The following CHRM3 variants were observed in gnomAD, a reference collection of about 807,000 sequenced individuals.
The protein encoded by CHRM3 is muscarinic acetylcholine receptor M3.
A neutral mutation model predicts 41.8 loss-of-function variants in CHRM3; 11 were observed. That is an observed-to-expected ratio of 0.26 (90% CI 0.17 to 0.44). The LOEUF (loss-of-function observed/expected upper bound fraction) is 0.44. Ranked by LOEUF, CHRM3 falls within the 20% of genes least tolerant of loss-of-function variation. CHRM3 has a pLI of 1.00. For missense variants in CHRM3, 571 were observed against 745.4 expected, an observed-to-expected ratio of 0.77 and a Z score of 2.72; for synonymous variants, 297 against 301.4, an observed-to-expected ratio of 0.99 and a Z score of 0.15.
At chr1:239,898,339 A>T (rs560047369) in intron 6 of CHRM3, 1 of 152,200 alleles carries the variant, frequency 6.6e-6, no homozygotes, top group Non-Finnish European at 1.5e-5. Context: ...TAGTGGTTTG[A>T]TGTGGTATTG....
Position 239,828,848 on chromosome 1 carries a change from A to G in CHRM3, c.-20+1470A>G, listed in dbSNP as rs1672674499. Among the ~76,000 whole-genome samples, 5 of 152,150 alleles carry G rather than the reference A, an allele frequency of 3.3e-5. No homozygotes were observed. In the South Asian group the frequency reaches 1.0e-3, roughly 32 times the overall value. The stretch of plus-strand genomic sequence containing the variant: ...ACTCTGCCTGCTGTGCGGATAGCGG[A>G]TGGGAGGAGATCTAAGATGAACAAA... On this transcript the variant is annotated intron_variant, in intron 6 of 6. Transcript: ENST00000676153.
intron 3 of CHRM3, among the ~76,000 whole-genome samples, chr1:239,606,870 T>G (rs948824615): frequency 1.4e-4 from 21 of 152,144 alleles, no homozygotes; most frequent in African/African-American, 5.1e-4. Context: ...CCTAAGGCCA[T>G]CCAAAAACGT....
At chr1:239,473,967 A>G (rs1364658923) in intron 1 of CHRM3, among the ~76,000 whole-genome samples, 2 of 152,106 alleles carry the variant, frequency 1.3e-5, no homozygotes, top group Non-Finnish European at 2.9e-5. Context: ...GGAAGGTTTC[A>G]GTGGAATCTG....
chr1:239,652,993 G>C (rs1396546860), intron 4 of CHRM3, among the ~76,000 whole-genome samples: 1 of 152,224 alleles, frequency 6.6e-6, no homozygotes, highest in Non-Finnish European at 1.5e-5. Context: ...CTAAATGACT[G>C]ATAGGGCCAT....
chr1:239,485,622 A>T (rs1377045455), intron 1 of CHRM3, among the ~76,000 whole-genome samples: 1 of 152,142 alleles, frequency 6.6e-6, no homozygotes, highest in Non-Finnish European at 1.5e-5. Flanking sequence ...TTTTCACTTG[A>T]AATCTCCTGA....
rs1456465754 is a variant in CHRM3 at position 239,907,087 on chromosome 1, T to C, written c.-19-346T>C. ...GAAGATAAAGCTGTTTGGATAATTG[T>C]AATAGAAATGTCTGATATTTTTCAC... is the stretch of plus-strand genomic sequence containing the variant. On this transcript the variant is annotated intron_variant, in intron 6 of 6. Coordinates refer to ENST00000676153, the MANE Select transcript of CHRM3 (RefSeq NM_001375978.1). The surrounding 1 kb of genome is among the most constrained non-coding windows in gnomAD (Gnocchi z 5.4). Among the ~76,000 whole-genome samples, 1 of 152,194 alleles carries C rather than the reference T, an allele frequency of 6.6e-6. No individual in the cohort carries two copies. Among genetic ancestry groups the C allele is most frequent in the Non-Finnish European group, 1.5e-5 (1 of 68,028 alleles).
intron 2 of CHRM3, among the ~76,000 whole-genome samples, chr1:239,537,706 A>G (rs544964514): frequency 3.3e-5 from 5 of 152,312 alleles, no homozygotes; most frequent in Non-Finnish European, 5.9e-5. Context: ...TTTTGCTCTT[A>G]TGGTCACTTA....
intron 1 of CHRM3, among the ~76,000 whole-genome samples, chr1:239,396,487 C>A (rs1659490849): frequency 6.6e-6 from 1 of 152,026 alleles, no homozygotes; most frequent in African/African-American, 2.4e-5. Flanking sequence ...TGTGCACCTG[C>A]CTGTAGTCTC....
chr1:239,894,739 T>G (rs1678852792), intron 6 of CHRM3, among the ~76,000 whole-genome samples: 1 of 151,280 alleles, frequency 6.6e-6, no homozygotes, highest in Non-Finnish European at 1.5e-5. Context: ...GACCGAGAAG[T>G]CTTCCATTTA....
At chr1:239,854,289 T>G (rs1674930224) in intron 6 of CHRM3, among the ~76,000 whole-genome samples, 1 of 152,120 alleles carries the variant, frequency 6.6e-6, no homozygotes, top group South Asian at 2.1e-4. Flanking sequence ...CTTGTAATAT[T>G]CATTTATCCA....
At chr1:239,638,589 C>T (rs1299800610) in intron 4 of CHRM3, among the ~76,000 whole-genome samples, 9 of 152,196 alleles carry the variant, frequency 5.9e-5, no homozygotes, top group Middle Eastern at 3.4e-3. Context: ...TCATGTCCTT[C>T]GCCCACTTTT....
intron 4 of CHRM3, among the ~76,000 whole-genome samples, chr1:239,652,432 A>G (rs910391031): frequency 3.9e-5 from 6 of 152,084 alleles, no homozygotes; most frequent in African/African-American, 1.2e-4. Context: ...TAGGTACCTC[A>G]TAAATACTAC....
intron 1 of CHRM3, among the ~76,000 whole-genome samples, chr1:239,404,365 A>G (rs568610705): frequency 3.3e-5 from 2 of 60,934 alleles, no homozygotes; most frequent in Admixed American, 2.3e-4. Context: ...AGAAAGAAAG[A>G]AAGAAAGAAA....
At chr1:239,765,197 G>A (rs1255041073) in intron 5 of CHRM3, among the ~76,000 whole-genome samples, 1 of 152,180 alleles carries the variant, frequency 6.6e-6, no homozygotes, top group African/African-American at 2.4e-5. Flanking sequence ...TCTTTTTGCA[G>A]TAAGGGTTGA....
chr1:239,738,682 A>G (rs1425703814), intron 5 of CHRM3, among the ~76,000 whole-genome samples: 1 of 152,194 alleles, frequency 6.6e-6, no homozygotes, highest in Admixed American at 6.5e-5. Context: ...ATACAGACCC[A>G]TGACTTTCTT....
chr1:239,754,452 T>A (rs1233887705), intron 5 of CHRM3, among the ~76,000 whole-genome samples: 2 of 152,172 alleles, frequency 1.3e-5, no homozygotes, highest in African/African-American at 2.4e-5. Context: ...CCAGGAGGCA[T>A]TTGCAAAGTT....
rs865886960 is a variant in CHRM3, at chr1:239,538,986, A to G, written c.-421-6655A>G. 3.3e-5 allele frequency among the ~76,000 whole-genome samples: 5 copies of G among 152,326 alleles called. No homozygotes were observed. The South Asian group carries it at 6.2e-4, about 19-fold the overall frequency. On this transcript the variant is annotated intron_variant, in intron 2 of 6. Transcript: ENST00000676153. ...AGAGAGAAAAAAGACTCTTCGTATA[A>G]CCCTTTCAATTAAAGAAAACTGAGC...
intron 5 of CHRM3, among the ~76,000 whole-genome samples, chr1:239,697,533 G>A (rs1483501302): frequency 1.3e-5 from 2 of 152,126 alleles, no homozygotes; most frequent in Non-Finnish European, 2.9e-5. Flanking sequence ...ATGATATCAG[G>A]GAAAATCAAG....
intron 6 of CHRM3, among the ~76,000 whole-genome samples, chr1:239,902,947 A>T (rs189985389): frequency 1.9e-3 from 284 of 152,360 alleles, no homozygotes; most frequent in Non-Finnish European, 3.6e-3. Flanking sequence ...GGAAAAGCAC[A>T]TCTCTGAGAA....
Sources: gnomAD v4.1 joint callset for allele counts (sites outside exome capture counted in the v4.1 genomes callset) on GRCh38, gnomAD v4.1.1 for gene constraint, Gnocchi (gnomAD v3.1) non-coding constraint, MANE v1.5 for transcripts, NCBI Gene and HGNC (gene_info 2026-07-23, HGNC 2026-07-21) for gene names.